The following SPOCK3 variants were observed in gnomAD, a reference collection of about 807,000 sequenced individuals.
The protein encoded by SPOCK3 is SPARC (osteonectin), cwcv and kazal like domains proteoglycan 3, also known as testican-3.
In SPOCK3, 30 loss-of-function variants were observed where a neutral mutation model predicts 56.6. The ratio of observed to expected loss-of-function variants is 0.53; its 90% confidence interval spans 0.40 to 0.72. SPOCK3 has a LOEUF of 0.72. Among genes scored for constraint, SPOCK3 ranks in the 30% least tolerant of loss-of-function variants. The pLI is 0.00. For missense variants in SPOCK3, 527 were observed against 530.0 expected (o/e 0.99, Z 0.06); for synonymous variants, 196 against 183.3 (o/e 1.07, Z -0.56).
chr4:166,900,278 G>A (rs1013814350), intron 5 of SPOCK3, among the ~76,000 whole-genome samples: 2 of 152,098 alleles, frequency 1.3e-5, no homozygotes, highest in African/African-American at 4.8e-5. Flanking sequence ...TGTGTTGGCC[G>A]GCAAGGTAGT....
At chr4:166,849,395 A>C (rs1303631284) in intron 6 of SPOCK3, among the ~76,000 whole-genome samples, 11 of 152,112 alleles carry the variant, frequency 7.2e-5, no homozygotes, top group Non-Finnish European at 1.5e-4. Flanking sequence ...TGCAAAAGTA[A>C]TTGTGTGGTT....
chr4:167,032,102 C>G (rs2150182899), intron 3 of SPOCK3, among the ~76,000 whole-genome samples: 1 of 151,966 alleles, frequency 6.6e-6, no homozygotes. Context: ...GGCTGAAAAA[C>G]AAATCCAAAT....
At chr4:166,952,390 C>G (rs1242835256) in intron 4 of SPOCK3, among the ~76,000 whole-genome samples, 1 of 152,058 alleles carries the variant, frequency 6.6e-6, no homozygotes, top group Non-Finnish European at 1.5e-5. Context: ...CGTGAAGGAC[C>G]TCTTCAAGGA....
At chr4:166,914,072 A>T (rs969323561) in intron 4 of SPOCK3, among the ~76,000 whole-genome samples, 1 of 151,798 alleles carries the variant, frequency 6.6e-6, no homozygotes, top group African/African-American at 2.4e-5. Flanking sequence ...AATTAAAAAA[A>T]AAAAACCATT....
rs1370637126 is a variant in SPOCK3, at chr4:166,748,277, C to T, written c.932-6218G>A. Among the ~76,000 whole-genome samples the T allele has an allele frequency of 5.0e-4, 68 of 137,022 alleles. 13 individuals are homozygous for T. Among genetic ancestry groups the T allele is most frequent in the Non-Finnish European group, 7.9e-4 (51 of 64,610 alleles). 89.9% of individuals were successfully genotyped at this position (137,022 alleles called of 152,430 possible). The stretch of plus-strand genomic sequence containing the variant: ...TAACCAAAACAGCATGGTACTGGTA[C>T]CAAAACAGAGATATAGACCAGTGGA... On this transcript the variant is annotated intron_variant, in intron 8 of 10. Transcript: ENST00000357545.
chr4:166,919,745 G>A (rs960347517), intron 4 of SPOCK3, among the ~76,000 whole-genome samples: 6 of 152,174 alleles, frequency 3.9e-5, no homozygotes, highest in East Asian at 1.9e-4. Flanking sequence ...TTATAAACCC[G>A]TTTCCAGCAA....
intron 2 of SPOCK3, among the ~76,000 whole-genome samples, chr4:167,171,975 C>T (rs1267891474): frequency 6.6e-6 from 1 of 151,312 alleles, no homozygotes; most frequent in Non-Finnish European, 1.5e-5. Context: ...AAAGAGGATA[C>T]TGCATAAAGG....
Position 166,920,916 on chromosome 4 carries a change from T to C in SPOCK3, c.351-8173A>G, listed in dbSNP as rs74557165. Among the ~76,000 whole-genome samples, 8 of 152,216 alleles carry C rather than the reference T, an allele frequency of 5.3e-5. No individual in the cohort carries two copies. The East Asian group carries it at 1.5e-3, about 29-fold the overall frequency. On this transcript the variant is annotated intron_variant, in intron 4 of 10. Coordinates refer to ENST00000357545, the MANE Select transcript of SPOCK3 (RefSeq NM_001040159.2). The stretch of plus-strand genomic sequence containing the variant: ...AGCCATTTAACAATTAAATGCTGCA[T>C]TTTATTTAAGTAAACCGTCATTAAG...
At chr4:166,864,252 T>C (rs1424687986) in intron 6 of SPOCK3, among the ~76,000 whole-genome samples, 2 of 152,130 alleles carry the variant, frequency 1.3e-5, no homozygotes, top group Non-Finnish European at 1.5e-5. Context: ...AGAGACAACG[T>C]ACCAGAATCT....
chr4:166,943,515 GA>G (rs1180112141), intron 4 of SPOCK3, among the ~76,000 whole-genome samples: 1 of 152,162 alleles, frequency 6.6e-6, no homozygotes, highest in Admixed American at 6.5e-5. Context: ...GACACATCAT[GA>G]AAACACAGAA....
intron 8 of SPOCK3, among the ~76,000 whole-genome samples, chr4:166,749,447 T>G (rs1004682270): frequency 6.6e-6 from 1 of 151,640 alleles, no homozygotes; most frequent in Admixed American, 6.6e-5. Flanking sequence ...TGAGAACACT[T>G]GGACACAGGG....
rs547204236 is a variant in SPOCK3, at chr4:167,078,027, A to G, written c.190-15490T>C. On this transcript the variant is annotated intron_variant, in intron 2 of 10. Transcript: ENST00000357545. ...TGCTCTCATGTAATTTACATTCTAT[A>G]GAGAGTCATGGTAGCAACATAATGT... 3.3e-5 allele frequency among the ~76,000 whole-genome samples: 5 copies of G among 152,026 alleles called. No individual in the cohort carries two copies. The East Asian group carries it at 9.7e-4, about 30-fold the overall frequency.
chr4:166,871,871 C>T (rs1015243191), intron 6 of SPOCK3, among the ~76,000 whole-genome samples: 6 of 150,556 alleles, frequency 4.0e-5, no homozygotes, highest in African/African-American at 1.5e-4. Flanking sequence ...AAGCCTGGTT[C>T]AGCATTAATA....
chr4:166,961,737 A>G (rs1272318426), intron 4 of SPOCK3, among the ~76,000 whole-genome samples: 1 of 152,156 alleles, frequency 6.6e-6, no homozygotes, highest in Non-Finnish European at 1.5e-5. Flanking sequence ...CAATTCAAGA[A>G]TCAAACAAAC....
At chr4:166,932,541 G>C (rs930643667) in intron 4 of SPOCK3, among the ~76,000 whole-genome samples, 1 of 152,088 alleles carries the variant, frequency 6.6e-6, no homozygotes, top group African/African-American at 2.4e-5. Flanking sequence ...CCAGCCACAA[G>C]TGAATTCCTT....
chr4:166,952,765 T>A (rs1487251912), intron 4 of SPOCK3, among the ~76,000 whole-genome samples: 22 of 152,080 alleles, frequency 1.4e-4, no homozygotes, highest in Admixed American at 1.4e-3. Context: ...AACAGAGCCC[T>A]CAGAAATGAC....
intron 5 of SPOCK3, among the ~76,000 whole-genome samples, chr4:166,890,829 A>T (rs1217522544): frequency 6.6e-6 from 1 of 151,924 alleles, no homozygotes; most frequent in Non-Finnish European, 1.5e-5. Flanking sequence ...TGTCTCGTTG[A>T]TCTGTCTAAG....
chr4:167,150,620 G>A (rs1764332885), intron 2 of SPOCK3, among the ~76,000 whole-genome samples: 1 of 152,168 alleles, frequency 6.6e-6, no homozygotes, highest in Non-Finnish European at 1.5e-5. Flanking sequence ...GTAGACTTAT[G>A]ATTGTGATAA....
intron 3 of SPOCK3, among the ~76,000 whole-genome samples, chr4:167,035,623 G>A (rs1752680181): frequency 6.6e-6 from 1 of 152,120 alleles, no homozygotes; most frequent in Non-Finnish European, 1.5e-5. Context: ...GTCTAACCCT[G>A]AAACCCAATC....
Sources: allele counts gnomAD v4.1 joint callset (sites outside exome capture counted in the v4.1 genomes callset), GRCh38; gene constraint gnomAD v4.1.1; transcripts MANE v1.5; gene names NCBI Gene and HGNC (gene_info 2026-07-23, HGNC 2026-07-21).